Variants in MYO1B observed in about 807,000 individuals in gnomAD.
MYO1B encodes the protein myosin IB, also known as unconventional myosin-Ib.
MYO1B carries 72 observed loss-of-function variants against 159.7 expected under a neutral mutation model. The ratio of observed to expected loss-of-function variants is 0.45; its 90% confidence interval spans 0.37 to 0.55. MYO1B has a LOEUF of 0.55. Ranked by LOEUF, MYO1B falls within the 20% of genes least tolerant of loss-of-function variation. MYO1B has a pLI of 0.00. For missense variants in MYO1B, 1,062 were observed against 1,364.8 expected (o/e 0.78, Z 3.50); for synonymous variants, 468 against 473.8 (o/e 0.99, Z 0.16).
chr2:191,360,756 G>GTTGTTGT, intron 8 of MYO1B, 27 bp downstream of exon 8: 1 of 1,127,914 alleles, frequency 8.9e-7, no homozygotes, highest in South Asian at 1.3e-5. Context: ...ATGTGGTGTT[G>GTTGTTGT]TTGTTGTTGT....
In MYO1B at chr2:191,411,679, A is replaced by G. The variant is rs114626714; in HGVS notation, c.2873+507A>G. ...GTGGTGCCCTTTGGTCTGCTAACTC[A>G]ACGGATATGACTTCTGTGGCCTGTA... On this transcript the variant is annotated intron_variant, in intron 27 of 30. Transcript: ENST00000392318. Among the ~76,000 whole-genome samples the G allele has an allele frequency of 6.9e-3, 1,051 of 152,290 alleles. 9 individuals are homozygous for G. Among genetic ancestry groups the G allele is most frequent in the African/African-American group, 0.024 (1,014 of 41,556 alleles).
At position 191,338,583 on chromosome 2, in the gene MYO1B, TGA is replaced by T. The variant is rs368261156; in HGVS notation, c.347-2874_347-2873del. Among the ~76,000 whole-genome samples, 409 of 152,306 alleles carry T rather than the reference TGA, an allele frequency of 2.7e-3. 2 individuals carry two copies. Among genetic ancestry groups the T allele is most frequent in the African/African-American group, 9.5e-3 (395 of 41,556 alleles). The stretch of plus-strand genomic sequence containing the variant: ...TTGTTCTGGCCATTAAAAAGGTCTC[TGA>T]GAGGTCAAATCAATTCTAGTAGCCA... On this transcript the variant is annotated intron_variant, in intron 4 of 30. Transcript: ENST00000392318.
intron 1 of MYO1B, among the ~76,000 whole-genome samples, chr2:191,255,331 C>T (rs1411162316): frequency 2.0e-5 from 3 of 152,120 alleles, no homozygotes; most frequent in Non-Finnish European, 2.9e-5. Flanking sequence ...AATATGTATT[C>T]GTGGATTAGC....
At position 191,425,088 on chromosome 2, in the gene MYO1B, G is replaced by A. The variant is rs1249386738; in HGVS notation, c.*1128G>A. ...ACATTTTAAACTTTGGAATCAAATT[G>A]TTTCTTATTTGGGAGGATAATGTAT... On this transcript the variant is annotated 3_prime_UTR_variant, in exon 31 of 31. Transcript: ENST00000392318. 1 of 152,008 alleles carries A rather than the reference G, an allele frequency of 6.6e-6. No homozygotes were observed. Among genetic ancestry groups the A allele is most frequent in the African/African-American group, 2.4e-5 (1 of 41,342 alleles). The allele number at this position is 152,008 out of a possible 1,614,324, so 9.4% of individuals were successfully genotyped here.
chr2:191,367,352 G>A (rs566829442), intron 11 of MYO1B, among the ~76,000 whole-genome samples: 2 of 152,216 alleles, frequency 1.3e-5, no homozygotes, highest in African/African-American at 4.8e-5. Flanking sequence ...GTTGACTAAA[G>A]GGTAGTATTT....
intron 19 of MYO1B, among the ~76,000 whole-genome samples, chr2:191,392,700 G>A (rs1278007511): frequency 6.6e-6 from 1 of 152,066 alleles, no homozygotes. Context: ...GCAGGTGACT[G>A]GTAATTTGGA....
chr2:191,338,009 G>A (rs1411733645), intron 4 of MYO1B, among the ~76,000 whole-genome samples: 3 of 152,120 alleles, frequency 2.0e-5, no homozygotes, highest in South Asian at 2.1e-4. Flanking sequence ...AGTTTCCAGC[G>A]TGGTGAAATA....
At chr2:191,352,524 T>C (rs1692994074) in intron 7 of MYO1B, among the ~76,000 whole-genome samples, 1 of 152,208 alleles carries the variant, frequency 6.6e-6, no homozygotes, top group Non-Finnish European at 1.5e-5. Flanking sequence ...ACAAATGTCT[T>C]CTTGTCCCCT....
rs375755425 is a variant in MYO1B at position 191,329,929 on chromosome 2, C to T, written c.252-6C>T. 6.2e-7 allele frequency: 1 copy of T among 1,607,876 alleles called. No individual in the cohort carries two copies. ...CTAAGGAATTTTTTTCCATTATCCC[C>T]TGCAGCTTTGCCCTTTCGGATGAAG... On this transcript the variant is annotated splice_polypyrimidine_tract_variant and splice_region_variant and intron_variant, in intron 3 of 30. Coordinates refer to ENST00000392318, the MANE Select transcript of MYO1B (RefSeq NM_001130158.3).
intron 3 of MYO1B, among the ~76,000 whole-genome samples, chr2:191,310,264 G>A (rs984234583): frequency 3.9e-5 from 6 of 152,066 alleles, no homozygotes; most frequent in South Asian, 2.1e-4. Flanking sequence ...GTGCAGTGGC[G>A]CAATCTTGGC....
At chr2:191,361,097 G>A (rs1230616152) in intron 8 of MYO1B, among the ~76,000 whole-genome samples, 1 of 152,256 alleles carries the variant, frequency 6.6e-6, no homozygotes, top group African/African-American at 2.4e-5. Context: ...CAGATACTGT[G>A]CCATACGTCT....
intron 27 of MYO1B, 103 bp downstream of exon 27, chr2:191,411,275 T>G (rs1697234839): frequency 1.5e-6 from 1 of 649,284 alleles, no homozygotes; most frequent in Admixed American, 2.9e-5. Flanking sequence ...CTTAGATGAG[T>G]GATTTTTAGT....
Position 191,387,137 on chromosome 2 carries a change from T to G in MYO1B, c.1555-87T>G. On this transcript the variant is annotated intron_variant, in intron 16 of 30. Coordinates refer to ENST00000392318, the MANE Select transcript of MYO1B (RefSeq NM_001130158.3). ...TTGATGGTGAAGGAAGTGGCTGCAA[T>G]GTAGATAGTCTTGGAGTATTTTTAA... 6 of 1,326,940 alleles carry G rather than the reference T, an allele frequency of 4.5e-6. No homozygotes were observed. In the South Asian group the frequency reaches 7.0e-5, roughly 15 times the overall value. The allele number at this position is 1,326,940 out of a possible 1,614,324, so 82.2% of individuals were successfully genotyped here.
chr2:191,412,826 C>A (rs555008194), intron 27 of MYO1B, among the ~76,000 whole-genome samples: 2 of 116,160 alleles, frequency 1.7e-5, no homozygotes, highest in Middle Eastern at 4.2e-3. Context: ...TAACCTTTTA[C>A]AAAAATTAGT....
intron 3 of MYO1B, among the ~76,000 whole-genome samples, chr2:191,296,812 T>C (rs1366552873): frequency 1.3e-5 from 2 of 152,220 alleles, no homozygotes; most frequent in African/African-American, 4.8e-5. Context: ...TTTAGAGTTC[T>C]TCGTTGACGT....
intron 6 of MYO1B, among the ~76,000 whole-genome samples, chr2:191,348,131 C>T (rs1373788238): frequency 6.6e-6 from 1 of 152,186 alleles, no homozygotes; most frequent in Non-Finnish European, 1.5e-5. Flanking sequence ...CAGGAAGTGG[C>T]TTAGTGGGAA....
intron 25 of MYO1B, among the ~76,000 whole-genome samples, chr2:191,408,822 G>A (rs1697086613): frequency 6.6e-6 from 1 of 152,194 alleles, no homozygotes; most frequent in Non-Finnish European, 1.5e-5. Flanking sequence ...ATGAGTGTTA[G>A]CATTACTATT....
intron 4 of MYO1B, among the ~76,000 whole-genome samples, chr2:191,333,697 CTCTCTT>C (rs1691639865): frequency 6.6e-6 from 1 of 152,146 alleles, no homozygotes; most frequent in South Asian, 2.1e-4. Flanking sequence ...ATCTCTCTCT[CTCTCTT>C]TATCTCTCTC....
intron 21 of MYO1B, among the ~76,000 whole-genome samples, chr2:191,397,648 G>A (rs1468558902): frequency 6.9e-6 from 1 of 145,368 alleles, no homozygotes; most frequent in Non-Finnish European, 1.5e-5. Context: ...CACCCTTCCC[G>A]CCTTTCTATT....
Sources: gnomAD v4.1 joint callset for allele counts (sites outside exome capture counted in the v4.1 genomes callset) on GRCh38, gnomAD v4.1.1 for gene constraint, MANE v1.5 for transcripts, NCBI Gene and HGNC (gene_info 2026-07-23, HGNC 2026-07-21) for gene names.